The following RAB31 variants were observed in gnomAD, a reference collection of about 807,000 sequenced individuals.
The protein encoded by RAB31 is ras-related protein Rab-31.
A neutral mutation model predicts 25.6 loss-of-function variants in RAB31; 21 were observed. That is an observed-to-expected ratio of 0.82 (90% confidence interval 0.58 to 1.18). The LOEUF is 1.18. Ranked by LOEUF, RAB31 falls within the 50% of genes most tolerant of loss-of-function variation. The pLI is 0.00. For missense variants in RAB31, 196 were observed against 250.1 expected (o/e 0.78, Z 1.46); for synonymous variants, 87 against 84.0 (o/e 1.04, Z -0.20).
At chr18:9,726,295 T>A (rs1022446961) in intron 1 of RAB31, 1 of 152,272 alleles carries the variant, frequency 6.6e-6, no homozygotes, top group African/African-American at 2.4e-5. Context: ...CTGTTAGAGA[T>A]CAGAGGTTCC....
At chr18:9,804,917 C>T (rs544214178) in intron 3 of RAB31, among the ~76,000 whole-genome samples, 20 of 152,300 alleles carry the variant, frequency 1.3e-4, no homozygotes, top group African/African-American at 2.9e-4. Context: ...GATTGCCACA[C>T]GCTCAGTGGC....
intron 5 of RAB31, among the ~76,000 whole-genome samples, chr18:9,833,332 C>T (rs1238509304): frequency 6.6e-6 from 1 of 152,166 alleles, no homozygotes; most frequent in African/African-American, 2.4e-5. Context: ...CCGCAGCCCA[C>T]AGGGGCCCGG....
chr18:9,748,643 A>T (rs976693023), intron 1 of RAB31, among the ~76,000 whole-genome samples: 1 of 152,178 alleles, frequency 6.6e-6, no homozygotes, highest in African/African-American at 2.4e-5. Flanking sequence ...CTGTAATCCC[A>T]GCACTTTGGG....
chr18:9,854,362 G>A (rs1174351876), intron 6 of RAB31, among the ~76,000 whole-genome samples: 2 of 151,984 alleles, frequency 1.3e-5, no homozygotes, highest in African/African-American at 4.8e-5. Flanking sequence ...GATTCCCCTC[G>A]TGCAGGTGCA....
intron 1 of RAB31, among the ~76,000 whole-genome samples, chr18:9,755,522 C>A (rs1426387603): frequency 1.3e-5 from 2 of 152,224 alleles, no homozygotes; most frequent in Non-Finnish European, 2.9e-5. Context: ...TCAATTTTAG[C>A]TCATTGCTGT....
chr18:9,778,683 C>A (rs758876373), intron 2 of RAB31, among the ~76,000 whole-genome samples: 1 of 152,132 alleles, frequency 6.6e-6, no homozygotes, highest in Non-Finnish European at 1.5e-5. Flanking sequence ...GTTGGCCAGG[C>A]TGGTCTTGAA....
chr18:9,735,496 C>T (rs773377799), intron 1 of RAB31: 1 of 207,798 alleles, frequency 4.8e-6, no homozygotes, highest in African/African-American at 2.3e-5. Flanking sequence ...TGGTGCACAC[C>T]ACCTGCATTA....
In RAB31 at chr18:9,860,483, C is replaced by T. The variant is rs1301025039; in HGVS notation, c.*1158C>T. The T allele has an allele frequency of 6.6e-6, 1 of 152,130 alleles. No homozygotes were observed. The highest frequency in any genetic ancestry group is 1.5e-5 in the Non-Finnish European group (1 of 68,020). 9.4% of individuals were successfully genotyped at this position (152,130 alleles called of 1,614,324 possible). ...GATGAAAACCTTCCTTTTCAGATTC[C>T]CTGTCTGCTCAATTAAAGATGTTTG... On this transcript the variant is annotated 3_prime_UTR_variant, in exon 7 of 7. Coordinates refer to ENST00000578921, the MANE Select transcript of RAB31 (RefSeq NM_006868.4).
At chr18:9,783,738 A>G (rs894868189) in intron 2 of RAB31, among the ~76,000 whole-genome samples, 3 of 152,242 alleles carry the variant, frequency 2.0e-5, no homozygotes, top group Non-Finnish European at 2.9e-5. Context: ...AAGGATGAAT[A>G]CCACAGTTGA....
At chr18:9,802,617 G>GCC (rs1351966128) in intron 3 of RAB31, among the ~76,000 whole-genome samples, 13 of 152,192 alleles carry the variant, frequency 8.5e-5, no homozygotes, top group African/African-American at 3.1e-4. Context: ...AGGAGATCTG[G>GCC]CCACCCCAGG....
At chr18:9,771,384 T>A (rs34102581) in intron 1 of RAB31, among the ~76,000 whole-genome samples, 10,304 of 152,186 alleles carry the variant, frequency 0.068, 702 homozygotes, top group African/African-American at 0.18. Flanking sequence ...CGAAATGGAA[T>A]AATATATACA....
At chr18:9,782,528 G>A (rs576394651) in intron 2 of RAB31, among the ~76,000 whole-genome samples, 1 of 152,342 alleles carries the variant, frequency 6.6e-6, no homozygotes, top group South Asian at 2.1e-4. Flanking sequence ...TCTTGAGTGT[G>A]TGTGTATGTG....
chr18:9,749,019 T>C (rs2068220548), intron 1 of RAB31, among the ~76,000 whole-genome samples: 2 of 152,356 alleles, frequency 1.3e-5, no homozygotes, highest in Admixed American at 1.3e-4. Flanking sequence ...TGCATTCTTG[T>C]GATTTCTGTT....
chr18:9,811,550 A>G (rs2068570899), intron 3 of RAB31, among the ~76,000 whole-genome samples: 1 of 152,222 alleles, frequency 6.6e-6, no homozygotes, highest in Non-Finnish European at 1.5e-5. Flanking sequence ...CCACTGCCCA[A>G]TAAAAACAGC....
At chr18:9,843,518 C>A (rs1344350669) in intron 5 of RAB31, among the ~76,000 whole-genome samples, 1 of 136,894 alleles carries the variant, frequency 7.3e-6, no homozygotes, top group Non-Finnish European at 1.5e-5. Flanking sequence ...TGCACTCCAG[C>A]CTGGGCGACA....
chr18:9,730,789 G>A (rs1469764442), intron 1 of RAB31, among the ~76,000 whole-genome samples: 1 of 152,222 alleles, frequency 6.6e-6, no homozygotes, highest in East Asian at 1.9e-4. Flanking sequence ...TGGAAGTTCT[G>A]CACAGGGTGG....
intron 1 of RAB31, among the ~76,000 whole-genome samples, chr18:9,755,312 C>A (rs922512108): frequency 1.3e-5 from 2 of 152,124 alleles, no homozygotes; most frequent in Non-Finnish European, 2.9e-5. Context: ...CCTTAGTCAC[C>A]ATTTTTTACT....
chr18:9,779,440 C>T (rs1465680878), intron 2 of RAB31, among the ~76,000 whole-genome samples: 21 of 152,122 alleles, frequency 1.4e-4, no homozygotes, highest in Admixed American at 1.4e-3. Flanking sequence ...GAAAACGTAT[C>T]ACACTTTACC....
chr18:9,737,850 G>A (rs1352301974), intron 1 of RAB31, among the ~76,000 whole-genome samples: 1 of 152,094 alleles, frequency 6.6e-6, no homozygotes, highest in Non-Finnish European at 1.5e-5. Flanking sequence ...TAGGTCAGAG[G>A]GTTCTAACAG....
Sources: gnomAD v4.1 joint callset for allele counts (sites outside exome capture counted in the v4.1 genomes callset) on GRCh38, gnomAD v4.1.1 for gene constraint, MANE v1.5 for transcripts, NCBI Gene and HGNC (gene_info 2026-07-23, HGNC 2026-07-21) for gene names.